The following KLHL8 variants were observed in gnomAD, a reference collection of about 807,000 sequenced individuals.
KLHL8 encodes kelch like family member 8.
In KLHL8, 38 loss-of-function variants were observed where a neutral mutation model predicts 63.5. The ratio of observed to expected loss-of-function variants is 0.60; its 90% CI spans 0.46 to 0.78. The LOEUF (loss-of-function observed/expected upper bound fraction) is 0.78. Among genes scored for constraint, KLHL8 ranks in the 30% least tolerant of loss-of-function variants. The pLI is 0.00. For synonymous variants in KLHL8, 224 were observed against 254.3 expected (o/e 0.88, Z 1.13); for missense variants, 566 against 752.4 (o/e 0.75, Z 2.90).
chr4:87,235,572 T>C (rs1297705587), intron 1 of KLHL8, among the ~76,000 whole-genome samples: 2 of 152,204 alleles, frequency 1.3e-5, no homozygotes, highest in Admixed American at 6.5e-5. Flanking sequence ...TTTGTCATCA[T>C]TTGAGATGAA....
chr4:87,203,782 A>G (rs1732010924), intron 1 of KLHL8, among the ~76,000 whole-genome samples: 1 of 151,884 alleles, frequency 6.6e-6, no homozygotes, highest in African/African-American at 2.4e-5. Flanking sequence ...TATGAAAGAA[A>G]AAAATTGCTA....
intron 8 of KLHL8, among the ~76,000 whole-genome samples, chr4:87,168,424 T>C (rs1228302390): frequency 1.3e-5 from 2 of 152,122 alleles, no homozygotes; most frequent in African/African-American, 2.4e-5. Flanking sequence ...GGATGTGAAC[T>C]GAGTCTTGTT....
At chr4:87,239,216 C>T (rs1239005531) in intron 1 of KLHL8, among the ~76,000 whole-genome samples, 7 of 152,176 alleles carry the variant, frequency 4.6e-5, no homozygotes, top group Admixed American at 4.6e-4. Context: ...CTTCAAAAGA[C>T]ACTCTAGCGT....
At position 87,234,426 on chromosome 4, in the gene KLHL8, GTC is replaced by G. The variant is rs1180250594; in HGVS notation, n.57+5830_57+5831del. ...TGCACTCAGCCTGGCAACAGAGTGA[GTC>G]TCTGTCTCAAAAAAAAAAAAAAAGA... On this transcript the variant is annotated intron_variant and non_coding_transcript_variant, in intron 1 of 1. Transcript: ENST00000506274. Among the ~76,000 whole-genome samples the G allele has an allele frequency of 5.8e-5, 8 of 138,750 alleles. No homozygotes were observed. The South Asian group carries it at 1.2e-3, about 21-fold the overall frequency. 91.0% of individuals were successfully genotyped at this position (138,750 alleles called of 152,430 possible).
At chr4:87,172,360 A>C (rs1730667745) in intron 6 of KLHL8, among the ~76,000 whole-genome samples, 1 of 152,228 alleles carries the variant, frequency 6.6e-6, no homozygotes, top group Admixed American at 6.5e-5. Context: ...ACAAAAGCCT[A>C]GCCCAATCTC....
rs983375600 is a variant in KLHL8 at position 87,195,205 on chromosome 4, G to A, written c.216+119C>T. 37 of 682,638 alleles carry A rather than the reference G, an allele frequency of 5.4e-5. No homozygotes were observed. The East Asian group carries it at 5.7e-4, about 11-fold the overall frequency. The allele number at this position is 682,638 out of a possible 1,614,324, so 42.3% of individuals were successfully genotyped here. On this transcript the variant is annotated intron_variant, in intron 2 of 9. Coordinates refer to ENST00000273963, the MANE Select transcript of KLHL8 (RefSeq NM_020803.5). ...CTAAAAAAAAAGATTGAGACTAAAA[G>A]CATTCTGACTGTATCAAATATGTAT...
chr4:87,163,990 GAGTAGTA>G lies in KLHL8; in HGVS notation c.1620_1626del (p.Thr541ProfsTer10), dbSNP rs1299988203. ...GTTGCGATTCCCACTCCACCTCTGG[GAGTAGTA>G]AGTGCTGCCACATAATCCCACTTGT... On this transcript the variant is annotated frameshift_variant, in exon 9 of 10. Transcript: ENST00000273963. LOFTEE classifies it high-confidence loss of function. 6.2e-7 allele frequency: 1 copy of G among 1,614,162 alleles called. No individual in the cohort carries two copies. The highest frequency in any genetic ancestry group is 1.1e-5 in the South Asian group (1 of 91,084).
At chr4:87,186,148 C>T (rs1310518349) in intron 2 of KLHL8, among the ~76,000 whole-genome samples, 2 of 152,012 alleles carry the variant, frequency 1.3e-5, no homozygotes, top group African/African-American at 2.4e-5. Context: ...AAGCAATTCT[C>T]CTGCCTCAGC....
intron 1 of KLHL8, among the ~76,000 whole-genome samples, chr4:87,208,345 G>A (rs1732242027): frequency 6.6e-6 from 1 of 151,722 alleles, no homozygotes; most frequent in Non-Finnish European, 1.5e-5. Context: ...TTAGTCTAGT[G>A]AGTTGTCTTC....
chr4:87,226,102 G>C (rs1174522660), intron 1 of KLHL8, among the ~76,000 whole-genome samples: 1 of 152,110 alleles, frequency 6.6e-6, no homozygotes, highest in Non-Finnish European at 1.5e-5. Context: ...GAGAAACTTT[G>C]ATTTTCAGTA....
intron 2 of KLHL8, among the ~76,000 whole-genome samples, chr4:87,188,667 T>C (rs1008658582): frequency 1.3e-5 from 2 of 152,212 alleles, no homozygotes; most frequent in Non-Finnish European, 2.9e-5. Flanking sequence ...TGATGTTATA[T>C]AGTTAATTAC....
chr4:87,225,458 A>T (rs754604828), upstream of KLHL8, among the ~76,000 whole-genome samples: 31 of 152,332 alleles, frequency 2.0e-4, no homozygotes, highest in Non-Finnish European at 4.3e-4. Flanking sequence ...TCAGTAAACA[A>T]CCATTCGGTA....
At chr4:87,168,721 C>CGT (rs1431135024) in intron 8 of KLHL8, among the ~76,000 whole-genome samples, 3 of 122,938 alleles carry the variant, frequency 2.4e-5, no homozygotes, top group Non-Finnish European at 5.2e-5. Context: ...TATATATATA[C>CGT]GTATATATAT....
Position 87,178,608 on chromosome 4 carries a change from CAAA to C in KLHL8, c.962_964del (p.Phe321del), listed in dbSNP as rs754499089. Reference sequence around the variant, plus strand: ...ACCAGATCCACCTCGACCACCTACACAAAACAGCACACCTAAAGGTAAAGCCAC... The same window carrying C: ...ACCAGATCCACCTCGACCACCTACACACAGCACACCTAAAGGTAAAGCCAC... On this transcript the variant is annotated inframe_deletion, in exon 5 of 10. Coordinates refer to ENST00000273963, the MANE Select transcript of KLHL8 (RefSeq NM_020803.5). 1 of 1,587,838 alleles carries C rather than the reference CAAA, an allele frequency of 6.3e-7. No homozygotes were observed. Among genetic ancestry groups the C allele is most frequent in the South Asian group, 1.2e-5 (1 of 86,094 alleles).
intron 1 of KLHL8, among the ~76,000 whole-genome samples, chr4:87,209,424 T>C (rs1461740957): frequency 6.6e-6 from 1 of 152,034 alleles, no homozygotes; most frequent in African/African-American, 2.4e-5. Flanking sequence ...TAAGTGCCAG[T>C]AAAGGCATAT....
At chr4:87,218,400 G>T (rs1732683377) in intron 1 of KLHL8, among the ~76,000 whole-genome samples, 2 of 152,060 alleles carry the variant, frequency 1.3e-5, no homozygotes, top group South Asian at 4.1e-4. Context: ...TGTATTTTTA[G>T]TAGAGATGGG....
chr4:87,222,341 A>G (rs1172802263), upstream of KLHL8, among the ~76,000 whole-genome samples: 1 of 151,844 alleles, frequency 6.6e-6, no homozygotes. Flanking sequence ...CATTTCCCCA[A>G]TCTCCCTTTC....
chr4:87,207,540 C>T (rs1732181546), intron 1 of KLHL8: 10 of 1,042,756 alleles, frequency 9.6e-6, no homozygotes, highest in Middle Eastern at 2.0e-4. Context: ...ATGCCTTCTG[C>T]ACCACCAACT....
intron 1 of KLHL8, among the ~76,000 whole-genome samples, chr4:87,231,753 TGC>T (rs146933192): frequency 0.01 from 1,541 of 152,278 alleles, 16 homozygotes; most frequent in Non-Finnish European, 0.017. Context: ...TGAACCACCA[TGC>T]CCAGCCAATT....
Sources: allele counts gnomAD v4.1 joint callset (sites outside exome capture counted in the v4.1 genomes callset), GRCh38; gene constraint gnomAD v4.1.1; transcripts MANE v1.5; gene names NCBI Gene and HGNC (gene_info 2026-07-23, HGNC 2026-07-21).